Variants in FAM169A observed in about 807,000 individuals in gnomAD.
FAM169A encodes soluble lamin-associated protein of 75 kDa.
In FAM169A, 24 loss-of-function variants were observed where a neutral mutation model predicts 75.7. The observed-to-expected ratio is 0.32, with a 90% CI of 0.23 to 0.45. The LOEUF (loss-of-function observed/expected upper bound fraction) is 0.45, where lower values mean the gene tolerates loss of function less well. Among genes scored for constraint, FAM169A ranks in the 20% least tolerant of loss-of-function variants. The probability of loss-of-function intolerance (pLI) is 1.00; values close to 1 mark genes in which losing one functional copy is unlikely to be tolerated. For synonymous variants in FAM169A, 271 were observed against 271.0 expected (o/e 1.00, Z 0.00); for missense variants, 673 against 784.0 (o/e 0.86, Z 1.69).
chr5:74,810,657 G>T (rs1008178047), intron 6 of FAM169A, among the ~76,000 whole-genome samples: 1 of 149,438 alleles, frequency 6.7e-6, no homozygotes. Flanking sequence ...GGCTGAGGCA[G>T]GAGAATGGTG....
intron 11 of FAM169A, among the ~76,000 whole-genome samples, chr5:74,794,635 C>T (rs566475691): frequency 1.3e-5 from 2 of 149,582 alleles, no homozygotes; most frequent in Admixed American, 1.3e-4. Flanking sequence ...AAAAATTAGC[C>T]GGGCGTTGTG....
At chr5:74,860,773 C>T (rs2112748389) in intron 1 of FAM169A, among the ~76,000 whole-genome samples, 1 of 151,422 alleles carries the variant, frequency 6.6e-6, no homozygotes, top group Non-Finnish European at 1.5e-5. Flanking sequence ...CAACTGACCC[C>T]TCTCCTCTGC....
intron 1 of FAM169A, among the ~76,000 whole-genome samples, chr5:74,847,781 C>A (rs1236957361): frequency 2.0e-5 from 3 of 152,116 alleles, no homozygotes; most frequent in Admixed American, 1.3e-4. Context: ...TCTTCATTCT[C>A]TTTTTCAAGT....
chr5:74,839,258 T>C (rs1748727094), intron 3 of FAM169A, among the ~76,000 whole-genome samples: 1 of 152,064 alleles, frequency 6.6e-6, no homozygotes, highest in Non-Finnish European at 1.5e-5. Flanking sequence ...CACCCAAATC[T>C]CATCTTGAAC....
chr5:74,866,960 A>C, upstream of FAM169A: 1 of 985,108 alleles, frequency 1.0e-6, no homozygotes, highest in Non-Finnish European at 1.2e-6. Context: ...GGCTGCTTTC[A>C]CAGTCTACAG....
At chr5:74,864,120 A>G (rs982834773) in intron 1 of FAM169A, among the ~76,000 whole-genome samples, 1 of 152,258 alleles carries the variant, frequency 6.6e-6, no homozygotes, top group Non-Finnish European at 1.5e-5. Context: ...AATTAGTGGG[A>G]GAGTCTTCAA....
intron 11 of FAM169A, among the ~76,000 whole-genome samples, chr5:74,794,636 G>A (rs552342902): frequency 7.3e-5 from 11 of 151,584 alleles, no homozygotes; most frequent in African/African-American, 1.9e-4. Context: ...AAAATTAGCC[G>A]GGCGTTGTGG....
intron 11 of FAM169A, among the ~76,000 whole-genome samples, chr5:74,792,648 C>A (rs573109836): frequency 6.6e-6 from 1 of 151,760 alleles, no homozygotes; most frequent in African/African-American, 2.4e-5. Flanking sequence ...TAGTTCTGTC[C>A]CTCTAGAGAA....
Position 74,841,617 on chromosome 5 carries a change from A to G in FAM169A, c.60T>C (p.Ala20=), listed in dbSNP as rs749609595. The change falls in exon 2 of 13, where the codon GCT becomes GCC. Residue 20 remains alanine, a synonymous_variant. Transcript: ENST00000687041. ...ACCTTAAATCTGACATGTAATCTTC[A>G]GCAGAATTTTCCAATTCCTCATGGC... ...NCSHEELENS[A]EDYMSDLRCG... is the part of the protein sequence containing the mutation. 6.2e-7 allele frequency: 1 copy of G among 1,613,124 alleles called. No individual in the cohort carries two copies. The highest frequency in any genetic ancestry group is 1.7e-5 in the Admixed American group (1 of 60,006).
chr5:74,786,314 G>T (rs1745692889), intron 11 of FAM169A, among the ~76,000 whole-genome samples: 1 of 152,124 alleles, frequency 6.6e-6, no homozygotes, highest in East Asian at 1.9e-4. Flanking sequence ...ACCCTAACAG[G>T]CTTTGGTACC....
At chr5:74,784,918 CAAAA>C (rs869156232) in intron 11 of FAM169A, among the ~76,000 whole-genome samples, 1 of 61,806 alleles carries the variant, frequency 1.6e-5, no homozygotes, top group Non-Finnish European at 3.8e-5. Flanking sequence ...GACTCCGTCT[CAAAA>C]AAAAAAAAAA....
At chr5:74,812,731 A>G (rs1196501597) in intron 6 of FAM169A, among the ~76,000 whole-genome samples, 1 of 152,230 alleles carries the variant, frequency 6.6e-6, no homozygotes, top group Non-Finnish European at 1.5e-5. Context: ...AAAGATGTTC[A>G]ACATCAAAGC....
intron 6 of FAM169A, among the ~76,000 whole-genome samples, chr5:74,805,521 T>C (rs1487412534): frequency 7.0e-6 from 1 of 143,764 alleles, no homozygotes; most frequent in African/African-American, 2.7e-5. Context: ...AAAATGTGCT[T>C]CGCTTTTTTT....
At chr5:74,793,685 T>C (rs977379784) in intron 11 of FAM169A, among the ~76,000 whole-genome samples, 1 of 152,054 alleles carries the variant, frequency 6.6e-6, no homozygotes, top group Non-Finnish European at 1.5e-5. Context: ...CAAACACCCA[T>C]CTGCTCCCCA....
chr5:74,856,338 A>G (rs1749703669), intron 1 of FAM169A, among the ~76,000 whole-genome samples: 1 of 152,124 alleles, frequency 6.6e-6, no homozygotes, highest in Non-Finnish European at 1.5e-5. Flanking sequence ...TGGTATTTTA[A>G]TAGAAATTGC....
chr5:74,859,336 C>T (rs550482929), intron 1 of FAM169A, among the ~76,000 whole-genome samples: 1 of 130,674 alleles, frequency 7.7e-6, no homozygotes, highest in African/African-American at 2.9e-5. Context: ...GTCACCCAGG[C>T]TGGAGTGCCG....
At position 74,821,117 on chromosome 5, in the gene FAM169A, C is replaced by G. The variant is rs758036783; in HGVS notation, c.491-7098G>C. ...CTTTGGTTGTCTTCACATCATCTGA[C>G]AGCATATCATCTACTTGTCCATTCA... On this transcript the variant is annotated intron_variant, in intron 5 of 12. Transcript: ENST00000687041. Among the ~76,000 whole-genome samples, 3 of 152,186 alleles carry G rather than the reference C, an allele frequency of 2.0e-5. No homozygotes were observed. The South Asian group carries it at 6.2e-4, about 32-fold the overall frequency.
chr5:74,866,204 A>G lies in FAM169A; in HGVS notation c.-43T>C, dbSNP rs1377036667. On this transcript the variant is annotated 5_prime_UTR_variant, in exon 1 of 13. Transcript: ENST00000687041. Reference sequence around the variant, plus strand: ...GGGAGCCGCTGGAAGAGCCCGGGAAAGGAGGCGGAGCCGCGCGAATGAATG... The same window carrying G: ...GGGAGCCGCTGGAAGAGCCCGGGAAGGGAGGCGGAGCCGCGCGAATGAATG... 1.0e-6 allele frequency: 1 copy of G among 984,172 alleles called. No individual in the cohort carries two copies. Among genetic ancestry groups the G allele is most frequent in the African/African-American group, 1.8e-5 (1 of 57,100 alleles). The allele number at this position is 984,172 out of a possible 1,614,324, so 61.0% of individuals were successfully genotyped here. A position where few individuals can be genotyped will look rare whatever the true frequency, so the allele number is the denominator to read the frequency against.
At chr5:74,830,879 A>C (rs1748277856) in intron 5 of FAM169A, among the ~76,000 whole-genome samples, 1 of 152,198 alleles carries the variant, frequency 6.6e-6, no homozygotes, top group South Asian at 2.1e-4. Flanking sequence ...TTGAGAAATA[A>C]TCTTTATTCC....
Sources: gnomAD v4.1 joint callset for allele counts (sites outside exome capture counted in the v4.1 genomes callset) on GRCh38, gnomAD v4.1.1 for gene constraint, MANE v1.5 for transcripts, NCBI Gene and HGNC (gene_info 2026-07-23, HGNC 2026-07-21) for gene names.